PLB1: variants seen among roughly 807,000 people sequenced by gnomAD.
PLB1 encodes phospholipase B1.
Under a neutral mutation model 227.4 loss-of-function variants are expected in PLB1, and 242 were observed. The observed-to-expected ratio is 1.06, with a 90% CI of 0.96 to 1.18. PLB1 has a LOEUF of 1.18. Ranked by LOEUF, PLB1 falls within the 50% of genes most tolerant of loss-of-function variation. The pLI, the probability that PLB1 is intolerant of heterozygous loss-of-function variation, is 0.00. For missense variants in PLB1, 1,858 were observed against 1,816.3 expected (o/e 1.02, Z -0.42); for synonymous variants, 757 against 682.2 (o/e 1.11, Z -1.71).
intron 56 of PLB1, among the ~76,000 whole-genome samples, chr2:28,638,476 C>T (rs375261641): frequency 2.6e-5 from 4 of 152,144 alleles, no homozygotes; most frequent in South Asian, 4.1e-4. Flanking sequence ...CCCCTGGGTC[C>T]GTGTACCCTG....
chr2:28,528,941 CTT>C (rs201087238), intron 6 of PLB1, among the ~76,000 whole-genome samples: 14 of 109,430 alleles, frequency 1.3e-4, no homozygotes, highest in South Asian at 3.0e-4. Flanking sequence ...GGGAGTCAGT[CTT>C]TTTTTTTTTT....
At position 28,603,967 on chromosome 2, in the gene PLB1, G is replaced by A. The variant is rs370909313; in HGVS notation, c.2776G>A (p.Val926Ile). The A allele has an allele frequency of 1.1e-5, 17 of 1,614,154 alleles. No homozygotes were observed. The highest frequency in any genetic ancestry group is 4.4e-5 in the South Asian group (4 of 91,090). ...PDKCPVQQAS[V>I]LCNCVLTLRE... The stretch of plus-strand genomic sequence containing the variant: ...TCCTGCCTCCCCCTCTTTGTGCAGC[G>A]TTTTGTGTAACTGCGTTCTGACCCT... Residue 926 changes from valine to isoleucine, a missense_variant and splice_region_variant, in exon 40 of 58, where the codon GTT becomes ATT. Coordinates refer to ENST00000327757, the MANE Select transcript of PLB1 (RefSeq NM_153021.5).
chr2:28,547,505 GTTCTT>G (rs1673479502), intron 14 of PLB1, among the ~76,000 whole-genome samples: 1 of 152,204 alleles, frequency 6.6e-6, no homozygotes, highest in Non-Finnish European at 1.5e-5. Context: ...TAAGGGTAAA[GTTCTT>G]TTCTTGTTTC....
In PLB1 at chr2:28,563,369, G is replaced by C. The variant is rs114980956; in HGVS notation, c.1206+270G>C. Among the ~76,000 whole-genome samples, 1,018 of 152,206 alleles carry C rather than the reference G, an allele frequency of 6.7e-3. 16 individuals carry two copies. Among genetic ancestry groups the C allele is most frequent in the African/African-American group, 0.023 (975 of 41,526 alleles). On this transcript the variant is annotated intron_variant, in intron 18 of 57. Transcript: ENST00000327757. ...GCAGGAAGTGGAGGGACCCCAGAGG[G>C]AGTGTGGGTGACAGGAGTGACCCAC...
intron 53 of PLB1, 50 bp downstream of exon 53, chr2:28,629,235 G>T (rs1422216751): frequency 2.6e-6 from 4 of 1,565,024 alleles, no homozygotes; most frequent in Non-Finnish European, 3.5e-6. Context: ...GGGTGAGGAG[G>T]GCTTGCAGGT....
rs201692427 is a variant in PLB1 at position 28,566,845 on chromosome 2, T to C, written c.1324+6T>C. ...CACCGTTACCACCCTGGCGAGTGAGTACGCGGCGGCGGCCGGGATGTTTGG... is the reference window on the plus strand; with the variant it reads ...CACCGTTACCACCCTGGCGAGTGAGCACGCGGCGGCGGCCGGGATGTTTGG... On this transcript the variant is annotated splice_donor_region_variant and intron_variant, in intron 20 of 57. Transcript: ENST00000327757. The C allele has an allele frequency of 1.9e-6, 3 of 1,613,728 alleles. No homozygotes were observed. Among genetic ancestry groups the C allele is most frequent in the Admixed American group, 1.7e-5 (1 of 59,926 alleles).
At chr2:28,538,167 G>A in intron 9 of PLB1, 152 bp from the exon 10 acceptor site, 1 of 880,268 alleles carries the variant, frequency 1.1e-6, no homozygotes, top group Middle Eastern at 2.1e-4. Context: ...GGAAGCTCTG[G>A]GAATTCTGTC....
rs753537326 is a variant in PLB1, at chr2:28,598,758, T to C, written c.2472T>C (p.Ala824=). Residue 824 remains alanine (A), a splice_region_variant and synonymous_variant, in exon 35 of 58, where the codon GCT becomes GCC. Transcript: ENST00000327757. ...ATCAAGCTGTTCCCGGAGCAAAGGCTGAGTATGGCATTTGGGGAGGGAGGG... is the reference window on the plus strand; with the variant it reads ...ATCAAGCTGTTCCCGGAGCAAAGGCCGAGTATGGCATTTGGGGAGGGAGGG... ...FLNQAVPGAK[A]EDLMSQVQTL... is the part of the protein sequence containing the mutation. 3 of 1,611,836 alleles carry C rather than the reference T, an allele frequency of 1.9e-6. No individual in the cohort carries two copies. The highest frequency in any genetic ancestry group is 2.5e-6 in the Non-Finnish European group (3 of 1,177,850).
At chr2:28,567,401 A>G (rs930218905) in intron 20 of PLB1, among the ~76,000 whole-genome samples, 1 of 151,266 alleles carries the variant, frequency 6.6e-6, no homozygotes, top group Non-Finnish European at 1.5e-5. Flanking sequence ...GTGCAGACAC[A>G]GCCATTTTGG....
intron 27 of PLB1, 36 bp downstream of exon 27, chr2:28,589,590 A>C (rs1388692192): frequency 6.2e-7 from 1 of 1,610,944 alleles, no homozygotes; most frequent in Non-Finnish European, 8.5e-7. Flanking sequence ...AATAGAATCC[A>C]CAGATAGTGT....
intron 56 of PLB1, among the ~76,000 whole-genome samples, chr2:28,637,919 C>T (rs1689556390): frequency 6.6e-6 from 1 of 152,188 alleles, no homozygotes; most frequent in Admixed American, 6.5e-5. Context: ...CAGTGCCTGG[C>T]TTAGGAAAGA....
chr2:28,532,733 G>C (rs1671185272), intron 9 of PLB1, among the ~76,000 whole-genome samples: 1 of 152,178 alleles, frequency 6.6e-6, no homozygotes, highest in Admixed American at 6.5e-5. Flanking sequence ...ATAAAGCAGG[G>C]TGCATACCAT....
At chr2:28,532,749 C>A (rs1671189765) in intron 9 of PLB1, among the ~76,000 whole-genome samples, 1 of 152,222 alleles carries the variant, frequency 6.6e-6, no homozygotes, top group Non-Finnish European at 1.5e-5. Flanking sequence ...ACCATCCTCA[C>A]CCCTTGGCCC....
intron 49 of PLB1, among the ~76,000 whole-genome samples, chr2:28,621,835 G>T (rs1283310383): frequency 6.6e-6 from 1 of 151,806 alleles, no homozygotes. Context: ...GGTCATTATA[G>T]CAACATCTAA....
intron 25 of PLB1, 60 bp downstream of exon 25, chr2:28,582,565 C>A: frequency 7.6e-7 from 1 of 1,319,094 alleles, no homozygotes; most frequent in Non-Finnish European, 1.1e-6. Context: ...GGCAGTGGCA[C>A]CCTTAGCAAA....
intron 33 of PLB1, chr2:28,594,095 G>A (rs1682494966): frequency 1.7e-6 from 1 of 600,472 alleles, no homozygotes; most frequent in Non-Finnish European, 3.3e-6. Flanking sequence ...TACACGTGGT[G>A]TTCCTACGTC....
At chr2:28,635,794 C>T (rs1249334061) in intron 56 of PLB1, among the ~76,000 whole-genome samples, 3 of 152,162 alleles carry the variant, frequency 2.0e-5, no homozygotes, top group Non-Finnish European at 2.9e-5. Context: ...TTCTCTTTCC[C>T]GAGGCCTAGT....
intron 6 of PLB1, among the ~76,000 whole-genome samples, chr2:28,526,995 A>AG (rs1384956247): frequency 1.3e-5 from 2 of 152,162 alleles, no homozygotes; most frequent in Admixed American, 6.5e-5. Flanking sequence ...AGAGAATCAA[A>AG]GGGTTCTGAA....
chr2:28,514,549 T>G (rs558920339), intron 1 of PLB1, among the ~76,000 whole-genome samples: 1 of 152,346 alleles, frequency 6.6e-6, no homozygotes, highest in South Asian at 2.1e-4. Flanking sequence ...GAATTCAAAC[T>G]TCAGTCACTA....
Sources: gnomAD v4.1 joint callset for allele counts (sites outside exome capture counted in the v4.1 genomes callset) on GRCh38, gnomAD v4.1.1 for gene constraint, MANE v1.5 for transcripts, NCBI Gene and HGNC (gene_info 2026-07-23, HGNC 2026-07-21) for gene names.